The following NAALADL2 variants were observed in gnomAD, a reference collection of about 807,000 sequenced individuals.
NAALADL2 encodes the protein N-acetylated alpha-linked acidic dipeptidase like 2.
Under a neutral mutation model 87.2 loss-of-function variants are expected in NAALADL2, and 76 were observed. That is an observed-to-expected ratio of 0.87 (90% confidence interval 0.72 to 1.05). The LOEUF is 1.05. Among genes scored for constraint, NAALADL2 ranks in the 50% least tolerant of loss-of-function variants. The probability of loss-of-function intolerance (pLI) is 0.00; values close to 1 mark genes in which losing one functional copy is unlikely to be tolerated. For synonymous variants in NAALADL2, 354 were observed against 331.0 expected (o/e 1.07, Z -0.75); for missense variants, 1,089 against 945.8 (o/e 1.15, Z -1.99).
chr3:174,971,660 C>T (rs1314074920), intron 1 of NAALADL2, among the ~76,000 whole-genome samples: 2 of 116,172 alleles, frequency 1.7e-5, no homozygotes, highest in African/African-American at 6.8e-5. Flanking sequence ...AGTCAGTATG[C>T]TAGACTGTGT....
chr3:174,664,407 T>C (rs77076051), intron 2 of NAALADL2, among the ~76,000 whole-genome samples: 7,202 of 152,218 alleles, frequency 0.047, 593 homozygotes, highest in African/African-American at 0.16. Flanking sequence ...AATGCATAAA[T>C]CATGAACTAT....
chr3:174,855,899 C>T (rs1725804600), upstream of NAALADL2, among the ~76,000 whole-genome samples: 2 of 141,072 alleles, frequency 1.4e-5, no homozygotes, highest in Admixed American at 1.4e-4. Context: ...TATATATACA[C>T]ATAGATATGA....
chr3:175,276,150 A>T (rs560639557), intron 4 of NAALADL2, among the ~76,000 whole-genome samples: 1 of 151,460 alleles, frequency 6.6e-6, no homozygotes, highest in East Asian at 1.9e-4. Context: ...GTAAAAAAAA[A>T]ATTATGATAA....
At chr3:175,442,833 T>C (rs1008966621) in intron 5 of NAALADL2, among the ~76,000 whole-genome samples, 2 of 152,212 alleles carry the variant, frequency 1.3e-5, no homozygotes, top group Non-Finnish European at 2.9e-5. Context: ...ATGATATAAA[T>C]GCTGCAAGCT....
intron 11 of NAALADL2, chr3:175,718,283 C>A (rs918986148): frequency 2.3e-6 from 3 of 1,324,630 alleles, no homozygotes; most frequent in Non-Finnish European, 3.0e-6. Context: ...TTTCTTTAGA[C>A]ATCGTTAGGC....
At chr3:174,805,840 A>G (rs1719407249) in intron 3 of NAALADL2, among the ~76,000 whole-genome samples, 1 of 152,154 alleles carries the variant, frequency 6.6e-6, no homozygotes, top group Non-Finnish European at 1.5e-5. Context: ...TCATTTATGT[A>G]GGCATTTTAT....
chr3:175,391,308 G>A (rs1338784123), intron 5 of NAALADL2, among the ~76,000 whole-genome samples: 3 of 152,184 alleles, frequency 2.0e-5, no homozygotes, highest in Non-Finnish European at 2.9e-5. Context: ...GGGCTGGACT[G>A]GAGATTCCTT....
intron 2 of NAALADL2, among the ~76,000 whole-genome samples, chr3:175,106,705 C>T (rs1349562528): frequency 2.0e-5 from 3 of 151,990 alleles, no homozygotes; most frequent in South Asian, 2.1e-4. Flanking sequence ...CTCTCTTTCA[C>T]GTTCCTGTTT....
intron 2 of NAALADL2, among the ~76,000 whole-genome samples, chr3:174,587,831 G>A (rs923396633): frequency 6.6e-6 from 1 of 152,040 alleles, no homozygotes; most frequent in African/African-American, 2.4e-5. Flanking sequence ...TTTCAACTCT[G>A]GTGAATCTGA....
chr3:175,556,365 C>T (rs1052329427), intron 9 of NAALADL2, among the ~76,000 whole-genome samples: 10 of 152,082 alleles, frequency 6.6e-5, no homozygotes, highest in African/African-American at 2.4e-4. Context: ...CCTCATCTGT[C>T]AGATGACTAT....
intron 1 of NAALADL2, among the ~76,000 whole-genome samples, chr3:175,076,953 A>G (rs919615489): frequency 1.3e-5 from 2 of 152,198 alleles, no homozygotes; most frequent in Admixed American, 1.3e-4. Context: ...ATGGTGTTCT[A>G]TAATAATACA....
At chr3:175,023,845 A>C (rs928025068) in intron 1 of NAALADL2, among the ~76,000 whole-genome samples, 22 of 152,104 alleles carry the variant, frequency 1.4e-4, no homozygotes, top group Admixed American at 7.2e-4. Context: ...TGGGCTCCAT[A>C]TCCCTTTCTG....
intron 1 of NAALADL2, among the ~76,000 whole-genome samples, chr3:174,992,338 G>A (rs1294481744): frequency 1.3e-5 from 2 of 152,030 alleles, no homozygotes; most frequent in African/African-American, 2.4e-5. Context: ...TTGAAGCAAC[G>A]TAATTTCTTG....
chr3:174,490,747 T>C (rs1190477370), intron 1 of NAALADL2, among the ~76,000 whole-genome samples: 1 of 152,088 alleles, frequency 6.6e-6, no homozygotes, highest in Admixed American at 6.6e-5. Context: ...AGCCTTTCTA[T>C]TCAAAGAGCG....
chr3:174,996,993 GGTGTGTGTGT>G (rs34590643), intron 1 of NAALADL2, among the ~76,000 whole-genome samples: 12,154 of 121,550 alleles, frequency 0.1, 608 homozygotes, highest in Middle Eastern at 0.22. Context: ...TATTCCAAGG[GGTGTGTGTGT>G]GTGTGTGTGT....
chr3:175,431,262 G>A (rs917176039), intron 5 of NAALADL2, among the ~76,000 whole-genome samples: 1 of 152,000 alleles, frequency 6.6e-6, no homozygotes, highest in African/African-American at 2.4e-5. Context: ...TGGGCATACT[G>A]CAGAAATGTC....
At chr3:175,319,087 A>G (rs1449666693) in intron 4 of NAALADL2, among the ~76,000 whole-genome samples, 1 of 152,168 alleles carries the variant, frequency 6.6e-6, no homozygotes, top group African/African-American at 2.4e-5. Context: ...CCTCCCCCAC[A>G]TGGGTGGGGG....
At chr3:174,726,317 A>G (rs1447699685) in intron 2 of NAALADL2, among the ~76,000 whole-genome samples, 1 of 152,150 alleles carries the variant, frequency 6.6e-6, no homozygotes, top group Non-Finnish European at 1.5e-5. Context: ...CAACCCCATA[A>G]ACATACCCAG....
At chr3:174,528,328 T>A (rs1480145275) in intron 1 of NAALADL2, among the ~76,000 whole-genome samples, 8 of 152,156 alleles carry the variant, frequency 5.3e-5, no homozygotes, top group Non-Finnish European at 1.2e-4. Context: ...ATATAAAATA[T>A]AAAATATTAC....
Sources: allele counts gnomAD v4.1 joint callset (sites outside exome capture counted in the v4.1 genomes callset), GRCh38; gene constraint gnomAD v4.1.1; transcripts MANE v1.5; gene names NCBI Gene and HGNC (gene_info 2026-07-23, HGNC 2026-07-21).